PTPRN2: variants seen among roughly 807,000 people sequenced by gnomAD.
PTPRN2 encodes the protein receptor-type tyrosine-protein phosphatase N2.
Under a neutral mutation model 118.8 loss-of-function variants are expected in PTPRN2, and 74 were observed. The ratio of observed to expected loss-of-function variants is 0.62; its 90% CI spans 0.52 to 0.76. PTPRN2 has a LOEUF of 0.76. Ranked by LOEUF, PTPRN2 falls within the 30% of genes least tolerant of loss-of-function variation. The pLI, the probability that PTPRN2 is intolerant of heterozygous loss-of-function variation, is 0.00. For missense variants in PTPRN2, 1,481 were observed against 1,394.4 expected (o/e 1.06, Z -0.99); for synonymous variants, 641 against 608.0 (o/e 1.05, Z -0.80).
intron 3 of PTPRN2, among the ~76,000 whole-genome samples, chr7:158,234,766 C>CT (rs935170968): frequency 9.9e-5 from 15 of 151,748 alleles, no homozygotes; most frequent in East Asian, 3.9e-4. Flanking sequence ...GTTAAAATGG[C>CT]TTTTTTTTTC....
At chr7:158,236,415 A>C (rs1284320046) in intron 3 of PTPRN2, among the ~76,000 whole-genome samples, 2 of 152,100 alleles carry the variant, frequency 1.3e-5, no homozygotes, top group South Asian at 2.1e-4. Flanking sequence ...TTCAGAAGCC[A>C]CACCAGACAA....
intron 12 of PTPRN2, among the ~76,000 whole-genome samples, chr7:157,781,371 A>G (rs1691375028): frequency 6.6e-6 from 1 of 151,730 alleles, no homozygotes; most frequent in South Asian, 2.1e-4. Flanking sequence ...TGTTGATGTC[A>G]AGTCTCTTTG....
chr7:157,981,333 C>A (rs1212361917), intron 11 of PTPRN2, among the ~76,000 whole-genome samples: 1 of 123,970 alleles, frequency 8.1e-6, no homozygotes, highest in Admixed American at 8.5e-5. Flanking sequence ...TGCTCAAACT[C>A]CTGCTATTCC....
chr7:158,248,828 T>C (rs1796438465), intron 3 of PTPRN2, among the ~76,000 whole-genome samples: 1 of 13,214 alleles, frequency 7.6e-5, no homozygotes, highest in African/African-American at 3.5e-4. Flanking sequence ...GCCACACGCA[T>C]GCACCCACGT....
At chr7:157,715,274 A>AG (rs1165045926) in intron 12 of PTPRN2, among the ~76,000 whole-genome samples, 1 of 152,166 alleles carries the variant, frequency 6.6e-6, no homozygotes, top group Admixed American at 6.5e-5. Flanking sequence ...AATGAGGCCC[A>AG]GGGAGTGTTG....
intron 22 of PTPRN2, among the ~76,000 whole-genome samples, chr7:157,545,336 G>T (rs1356876994): frequency 1.3e-5 from 2 of 149,894 alleles, no homozygotes; most frequent in African/African-American, 4.9e-5. Flanking sequence ...GTGTGTGTGG[G>T]GGGTGTGCCT....
intron 21 of PTPRN2, among the ~76,000 whole-genome samples, chr7:157,564,583 C>T (rs1799389028): frequency 6.6e-6 from 1 of 152,170 alleles, no homozygotes; most frequent in Non-Finnish European, 1.5e-5. Context: ...TAGAATTCAA[C>T]AACAAAAAAT....
intron 12 of PTPRN2, among the ~76,000 whole-genome samples, chr7:157,885,483 C>T (rs1796401067): frequency 6.6e-6 from 1 of 152,292 alleles, no homozygotes; most frequent in Admixed American, 6.5e-5. Context: ...GAAGGGGATG[C>T]AGATGCACCC....
intron 8 of PTPRN2, 52 bp from the exon 9 acceptor site, chr7:158,134,111 GAC>G (rs764588774): frequency 1.9e-6 from 3 of 1,565,896 alleles, no homozygotes; most frequent in African/African-American, 1.4e-5. Flanking sequence ...ATGCTGATGT[GAC>G]ACATGCAATC....
intron 13 of PTPRN2, among the ~76,000 whole-genome samples, chr7:157,665,514 G>A (rs1170044071): frequency 1.3e-5 from 2 of 152,374 alleles, no homozygotes; most frequent in African/African-American, 2.4e-5. Context: ...GGCTGGGCAT[G>A]GGCCTGCCTG....
intron 11 of PTPRN2, among the ~76,000 whole-genome samples, chr7:158,000,438 C>G (rs552357731): frequency 6.6e-6 from 1 of 151,990 alleles, no homozygotes; most frequent in Non-Finnish European, 1.5e-5. Context: ...GTGGAGAGGC[C>G]GGGATGAAAG....
intron 9 of PTPRN2, among the ~76,000 whole-genome samples, chr7:158,116,308 A>G (rs1419130493): frequency 6.6e-6 from 1 of 152,252 alleles, no homozygotes; most frequent in African/African-American, 2.4e-5. Flanking sequence ...TGAGTAGGAA[A>G]CACCAGGAAT....
At chr7:157,614,188 G>C in intron 15 of PTPRN2, 1 of 454,468 alleles carries the variant, frequency 2.2e-6, no homozygotes, top group Non-Finnish European at 4.6e-6. Flanking sequence ...TGGAGCTCAG[G>C]GCCAAGGCAG....
chr7:158,263,433 C>CAT (rs1411516091), intron 3 of PTPRN2, among the ~76,000 whole-genome samples: 1 of 151,844 alleles, frequency 6.6e-6, no homozygotes, highest in African/African-American at 2.4e-5. Context: ...TGCACACACA[C>CAT]ACAGGCACAC....
intron 12 of PTPRN2, among the ~76,000 whole-genome samples, chr7:157,880,500 G>A (rs7801011): frequency 0.014 from 2,194 of 152,290 alleles, 71 homozygotes; most frequent in African/African-American, 0.05. Context: ...ATCATGTGGC[G>A]TTGGCAGAAG....
intron 11 of PTPRN2, among the ~76,000 whole-genome samples, chr7:158,023,924 G>A (rs948283067): frequency 4.6e-5 from 7 of 151,686 alleles, no homozygotes; most frequent in East Asian, 1.9e-4. Flanking sequence ...GCACACACTC[G>A]CAGGCACACA....
chr7:157,847,332 C>T (rs982544748), intron 12 of PTPRN2, among the ~76,000 whole-genome samples: 1 of 146,792 alleles, frequency 6.8e-6, no homozygotes, highest in Non-Finnish European at 1.5e-5. Context: ...TTTACAGAGC[C>T]CTCTCTCATT....
intron 1 of PTPRN2, among the ~76,000 whole-genome samples, chr7:158,586,091 A>G (rs1828891002): frequency 6.6e-6 from 1 of 152,208 alleles, no homozygotes; most frequent in Non-Finnish European, 1.5e-5. Context: ...TGACTGGGCT[A>G]CATCCCAGAG....
intron 12 of PTPRN2, among the ~76,000 whole-genome samples, chr7:157,795,174 G>A (rs912616393): frequency 1.4e-5 from 2 of 139,466 alleles, no homozygotes; most frequent in Admixed American, 7.0e-5. Flanking sequence ...GGGCGGGGGG[G>A]GCTCAAGCTA....
Sources: allele counts gnomAD v4.1 joint callset (sites outside exome capture counted in the v4.1 genomes callset), GRCh38; gene constraint gnomAD v4.1.1; transcripts MANE v1.5; gene names NCBI Gene and HGNC (gene_info 2026-07-23, HGNC 2026-07-21).